Variants in SAMD4A observed in about 807,000 individuals in gnomAD.
The protein encoded by SAMD4A is protein Smaug homolog 1.
Under a neutral mutation model 81.3 loss-of-function variants are expected in SAMD4A, and 33 were observed. The observed-to-expected ratio is 0.41, with a 90% CI of 0.31 to 0.54. The LOEUF (loss-of-function observed/expected upper bound fraction) is 0.54, where lower values mean the gene tolerates loss of function less well. Ranked by LOEUF, SAMD4A falls within the 20% of genes least tolerant of loss-of-function variation. SAMD4A has a pLI of 0.37. For missense variants in SAMD4A, 854 were observed against 951.1 expected (o/e 0.90, Z 1.34); for synonymous variants, 389 against 382.1 (o/e 1.02, Z -0.21).
chr14:54,568,064 G>T lies in SAMD4A; in HGVS notation c.148G>T (p.Ala50Ser), dbSNP rs1489479077. The change falls in exon 2 of 13, where the codon GCC (alanine) becomes TCC (serine). Residue 50 changes from alanine to serine, a missense_variant. Physicochemically the swap from Ala to Ser is moderately conservative, Grantham distance 99 (BLOSUM62 1). Around this residue, in one of 3 missense-constraint regions of SAMD4A, gnomAD observed 387 missense variants for 405.8 expected, o/e 0.95. Transcript: ENST00000554335. ...FLQLCLEHSL[A>S]DCAELHVLER... Reference sequence around the variant, plus strand: ...CCAGCTCTGCCTGGAGCACTCGCTGGCCGACTGCGCCGAGCTGCACGTCCT... The same window carrying T: ...CCAGCTCTGCCTGGAGCACTCGCTGTCCGACTGCGCCGAGCTGCACGTCCT... 1 of 1,588,608 alleles carries T rather than the reference G, an allele frequency of 6.3e-7. No individual in the cohort carries two copies. The highest frequency in any genetic ancestry group is 1.7e-5 in the Admixed American group (1 of 58,770).
At position 54,766,084 on chromosome 14, in the gene SAMD4A, G is replaced by T. The variant is rs566812941; in HGVS notation, c.1596+1544G>T. On this transcript the variant is annotated intron_variant, in intron 8 of 12. Transcript: ENST00000554335. ...TAGACTTTTCACTGAAAAAAAAATG[G>T]TTTTTTCCCTCTTTAATGGCTTCCC... Among the ~76,000 whole-genome samples, 128 of 152,216 alleles carry T rather than the reference G, an allele frequency of 8.4e-4. 1 individual carries two copies. The highest frequency in any genetic ancestry group is 2.6e-3 in the African/African-American group (108 of 41,526).
intron 5 of SAMD4A, 62 bp downstream of exon 5, chr14:54,748,986 C>T: frequency 8.5e-7 from 1 of 1,178,884 alleles, no homozygotes; most frequent in Non-Finnish European, 1.2e-6. Flanking sequence ...AAGTTCAAGG[C>T]CTGGACAACC....
intron 2 of SAMD4A, among the ~76,000 whole-genome samples, chr14:54,592,104 C>A (rs2033793517): frequency 1.3e-5 from 2 of 152,134 alleles, no homozygotes; most frequent in South Asian, 4.1e-4. Flanking sequence ...TGTTCCCTGG[C>A]AGCTGAGCGA....
intron 2 of SAMD4A, among the ~76,000 whole-genome samples, chr14:54,674,183 G>A (rs375588025): frequency 2.6e-5 from 4 of 152,234 alleles, no homozygotes; most frequent in African/African-American, 9.6e-5. Context: ...CTGCAGAGTC[G>A]GCAAGAAGCC....
chr14:54,718,297 A>G (rs2037173019), intron 3 of SAMD4A, among the ~76,000 whole-genome samples: 1 of 152,346 alleles, frequency 6.6e-6, no homozygotes, highest in South Asian at 2.1e-4. Context: ...TAAAGAACAG[A>G]GCAAGGAAAG....
chr14:54,650,106 C>G (rs2035372225), intron 2 of SAMD4A, among the ~76,000 whole-genome samples: 1 of 152,208 alleles, frequency 6.6e-6, no homozygotes, highest in African/African-American at 2.4e-5. Flanking sequence ...TCCTCTAATT[C>G]ACTGATCCTT....
chr14:54,588,020 T>G (rs1460469879), intron 2 of SAMD4A, among the ~76,000 whole-genome samples: 1 of 152,180 alleles, frequency 6.6e-6, no homozygotes, highest in Admixed American at 6.5e-5. Context: ...TCCTGGACTT[T>G]TTTTTTGTTG....
chr14:54,636,304 T>G (rs1594758560), intron 2 of SAMD4A, among the ~76,000 whole-genome samples: 1 of 151,054 alleles, frequency 6.6e-6, no homozygotes, highest in Non-Finnish European at 1.5e-5. Context: ...TGGAGAGGAG[T>G]GATCAAGAGG....
intron 8 of SAMD4A, among the ~76,000 whole-genome samples, chr14:54,766,676 G>A (rs1412005904): frequency 6.6e-6 from 1 of 152,172 alleles, no homozygotes. Context: ...GGAATGGGGA[G>A]GATTTCAGCC....
At chr14:54,634,549 G>A (rs1417597227) in intron 2 of SAMD4A, among the ~76,000 whole-genome samples, 1 of 152,046 alleles carries the variant, frequency 6.6e-6, no homozygotes, top group Non-Finnish European at 1.5e-5. Context: ...TTCACAATAG[G>A]GTCTGCGCTT....
intron 2 of SAMD4A, among the ~76,000 whole-genome samples, chr14:54,674,846 T>C (rs1566578177): frequency 6.6e-6 from 1 of 152,156 alleles, no homozygotes; most frequent in African/African-American, 2.4e-5. Context: ...CTCCTGGAAA[T>C]CAAGTGATCC....
intron 2 of SAMD4A, among the ~76,000 whole-genome samples, chr14:54,634,273 A>G (rs1315351146): frequency 5.2e-5 from 5 of 96,708 alleles, no homozygotes; most frequent in South Asian, 4.2e-4. Flanking sequence ...GCGACAGAGC[A>G]AGACTCCATC....
intron 2 of SAMD4A, among the ~76,000 whole-genome samples, chr14:54,616,384 A>T (rs4901525): frequency 0.29 from 43,463 of 152,090 alleles, 6,584 homozygotes; most frequent in East Asian, 0.39. Context: ...AAAAGATCAC[A>T]TACTAATACA....
At chr14:54,616,416 A>G (rs913513317) in intron 2 of SAMD4A, among the ~76,000 whole-genome samples, 1 of 152,256 alleles carries the variant, frequency 6.6e-6, no homozygotes, top group African/African-American at 2.4e-5. Context: ...TGCCTTTTTC[A>G]TTGCATTAGA....
In SAMD4A at chr14:54,791,949, A is replaced by C. The variant is rs1248439777; in HGVS notation, c.*3005A>C. 1 of 152,202 alleles carries C rather than the reference A, an allele frequency of 6.6e-6. No individual in the cohort carries two copies. Among genetic ancestry groups the C allele is most frequent in the Non-Finnish European group, 1.5e-5 (1 of 68,040 alleles). The allele number at this position is 152,202 out of a possible 1,614,324, so 9.4% of individuals were successfully genotyped here. On this transcript the variant is annotated 3_prime_UTR_variant, in exon 13 of 13. Coordinates refer to ENST00000554335, the MANE Select transcript of SAMD4A (RefSeq NM_015589.6). ...ATCTCAGAGTAAAATCTATTTCACT[A>C]CATGCTTTTCCCCCCTTGTTCTGAT...
chr14:54,625,311 G>C (rs962341380), intron 2 of SAMD4A, among the ~76,000 whole-genome samples: 26 of 152,238 alleles, frequency 1.7e-4, no homozygotes, highest in African/African-American at 6.0e-4. Context: ...AAAGCTCTCT[G>C]ACTTGCTGCG....
intron 3 of SAMD4A, among the ~76,000 whole-genome samples, chr14:54,704,631 G>A (rs192087559): frequency 5.3e-5 from 8 of 152,254 alleles, no homozygotes; most frequent in Admixed American, 2.6e-4. Flanking sequence ...TAATACTTGA[G>A]TGAAAAGGAC....
At chr14:54,618,706 C>T (rs543715990) in intron 2 of SAMD4A, among the ~76,000 whole-genome samples, 175 of 152,322 alleles carry the variant, frequency 1.1e-3, no homozygotes, top group African/African-American at 3.9e-3. Context: ...TTCCTCAGGG[C>T]TGCTTCTTGC....
At chr14:54,662,864 G>A (rs1025163960) in intron 2 of SAMD4A, among the ~76,000 whole-genome samples, 3 of 152,268 alleles carry the variant, frequency 2.0e-5, no homozygotes, top group Admixed American at 2.0e-4. Context: ...GAGAGGTCTT[G>A]GACACCAAAG....
Sources: allele counts gnomAD v4.1 joint callset (sites outside exome capture counted in the v4.1 genomes callset), GRCh38; gene constraint gnomAD v4.1.1; regional missense constraint gnomAD v4.1.1; transcripts MANE v1.5; gene names NCBI Gene and HGNC (gene_info 2026-07-23, HGNC 2026-07-21).